EIF4ENIF1: variants seen among roughly 807,000 people sequenced by gnomAD.
The protein encoded by EIF4ENIF1 is eukaryotic translation initiation factor 4E transporter.
Under a neutral mutation model 110.5 loss-of-function variants are expected in EIF4ENIF1, and 23 were observed. The ratio of observed to expected loss-of-function variants is 0.21; its 90% CI spans 0.15 to 0.29. The LOEUF is 0.29. EIF4ENIF1 is among the 10% of genes least tolerant of loss of function. EIF4ENIF1 has a pLI of 1.00. For missense variants in EIF4ENIF1, 1,031 were observed against 1,221.1 expected (o/e 0.84, Z 2.32); for synonymous variants, 440 against 437.0 (o/e 1.01, Z -0.09).
chr22:31,444,655 T>G lies in EIF4ENIF1; in HGVS notation c.2024A>C (p.His675Pro). 1 of 1,614,152 alleles carries G rather than the reference T, an allele frequency of 6.2e-7. No homozygotes were observed. The highest frequency in any genetic ancestry group is 2.2e-5 in the East Asian group (1 of 44,878). ...QRVTKSPAPV[H>P]RGNSSSPAPA... Reference sequence around the variant, plus strand: ...GGCAGGGGAAGAGGAATTCCCTCGATGCACGGGTGCTGGTGACTTGGTCAC... The same window carrying G: ...GGCAGGGGAAGAGGAATTCCCTCGAGGCACGGGTGCTGGTGACTTGGTCAC... The change falls in exon 15 of 19, where the codon CAT becomes CCT. Residue 675 changes from histidine (H) to proline (P), a missense_variant. Transcript: ENST00000330125.
chr22:31,477,375 C>CA (rs869068858), intron 2 of EIF4ENIF1, among the ~76,000 whole-genome samples: 7 of 68,356 alleles, frequency 1.0e-4, no homozygotes, highest in Admixed American at 1.7e-4. Context: ...AAAAAAAAAA[C>CA]AAAAAAAACA....
At chr22:31,472,370 G>A (rs1423680081) in intron 2 of EIF4ENIF1, among the ~76,000 whole-genome samples, 1 of 151,606 alleles carries the variant, frequency 6.6e-6, no homozygotes, top group Admixed American at 6.6e-5. Flanking sequence ...CTGGGTTCAA[G>A]CAATTCTCTT....
Position 31,441,842 on chromosome 22 carries a change from G to C in EIF4ENIF1, c.2483C>G (p.Pro828Arg). The C allele has an allele frequency of 4.3e-6, 7 of 1,614,150 alleles. No individual in the cohort carries two copies. Among genetic ancestry groups the C allele is most frequent in the Non-Finnish European group, 5.9e-6 (7 of 1,180,020 alleles). Reference protein sequence around the residue: ...PMVRPAHQLHPGLVQRMLAQG... With the variant: ...PMVRPAHQLHRGLVQRMLAQG... The stretch of plus-strand genomic sequence containing the variant: ...GGCCAGCATCCTCTGTACCAACCCT[G>C]GGTGAAGCTGGTGAGCAGGCCTAAC... The change falls in exon 17 of 19, where the codon CCA (proline) becomes CGA (arginine). Residue 828 changes from proline (P) to arginine (R), a missense_variant. Coordinates refer to ENST00000330125, the MANE Select transcript of EIF4ENIF1 (RefSeq NM_019843.4).
intron 6 of EIF4ENIF1, among the ~76,000 whole-genome samples, chr22:31,461,963 A>T (rs538486259): frequency 6.6e-6 from 1 of 152,328 alleles, no homozygotes; most frequent in East Asian, 1.9e-4. Context: ...GCACAAGGTC[A>T]TTAGGAGATG....
At chr22:31,488,404 C>T (rs577891762) in intron 2 of EIF4ENIF1, among the ~76,000 whole-genome samples, 45 of 152,288 alleles carry the variant, frequency 3.0e-4, no homozygotes, top group South Asian at 1.2e-3. Flanking sequence ...CCTACATTCC[C>T]TTCACCTAAA....
chr22:31,463,909 C>T lies in EIF4ENIF1; in HGVS notation c.357G>A (p.Arg119=), dbSNP rs767649081. ...TCACGTGGCAGCCCCCTCCAAAGCT[C>T]CGTCTCTGAGGGCTGAGAACAACAT... ...DLDVVLSPQR[R]SFGGGCHVTA... Residue 119 remains arginine, a synonymous_variant, in exon 5 of 19, where the codon CGG becomes CGA. Coordinates refer to ENST00000330125, the MANE Select transcript of EIF4ENIF1 (RefSeq NM_019843.4). The T allele has an allele frequency of 9.9e-6, 16 of 1,614,182 alleles. No individual in the cohort carries two copies. The highest frequency in any genetic ancestry group is 3.3e-5 in the South Asian group (3 of 91,084).
intron 7 of EIF4ENIF1, among the ~76,000 whole-genome samples, chr22:31,457,252 G>A (rs571211100): frequency 6.6e-6 from 1 of 152,198 alleles, no homozygotes; most frequent in Admixed American, 6.5e-5. Context: ...ATTTAATAAG[G>A]ACAATTAAAT....
intron 6 of EIF4ENIF1, among the ~76,000 whole-genome samples, chr22:31,460,270 G>A (rs1013581646): frequency 6.6e-6 from 1 of 152,128 alleles, no homozygotes; most frequent in African/African-American, 2.4e-5. Flanking sequence ...AATGCCATCA[G>A]CTTATTTCTG....
chr22:31,462,840 C>G (rs1395794623), intron 6 of EIF4ENIF1, 92 bp downstream of exon 6: 1 of 1,378,136 alleles, frequency 7.3e-7, no homozygotes, highest in South Asian at 1.3e-5. Context: ...ACCTCGGCCT[C>G]CCAAAGTGTT....
At chr22:31,471,106 A>G (rs1028068447) in intron 3 of EIF4ENIF1, among the ~76,000 whole-genome samples, 1 of 151,940 alleles carries the variant, frequency 6.6e-6, no homozygotes, top group African/African-American at 2.4e-5. Flanking sequence ...ATTTTTAGCT[A>G]TAGTCTTCCC....
In EIF4ENIF1 at chr22:31,473,201, C is replaced by T. The variant is rs568604447; in HGVS notation, c.97-1284G>A. 1.6e-4 allele frequency among the ~76,000 whole-genome samples: 25 copies of T among 152,114 alleles called. 1 individual carries two copies. The South Asian group carries it at 5.0e-3, about 30-fold the overall frequency. On this transcript the variant is annotated intron_variant, in intron 2 of 18. Coordinates refer to ENST00000330125, the MANE Select transcript of EIF4ENIF1 (RefSeq NM_019843.4). ...TCCAGCTCCATGAGAGAATTTAGCC[C>T]TACAGAAAATGACCTGAGTGAACTA...
rs1189518061 is a variant in EIF4ENIF1, at chr22:31,454,290, G to A, written c.1366C>T (p.Pro456Ser). 2.5e-6 allele frequency: 4 copies of A among 1,614,110 alleles called. No individual in the cohort carries two copies. Among genetic ancestry groups the A allele is most frequent in the Middle Eastern group, 1.6e-4 (1 of 6,062 alleles). Residue 456 changes from proline (P) to serine (S), a missense_variant, in exon 10 of 19, where the codon CCC (proline) becomes TCC (serine). By Grantham distance (74) the Pro-to-Ser change is moderately conservative. This residue lies in a region of EIF4ENIF1 where 704 missense variants were observed against 879.7 expected (regional missense o/e 0.80). Transcript: ENST00000330125. ...KVDQQVKNST[P>S]FMAEHLEETL... ...TCTTCTAGGTGTTCTGCCATGAAGGGAGTTGAATTCTTCACTTGCTGGTCA... is the reference window on the plus strand; with the variant it reads ...TCTTCTAGGTGTTCTGCCATGAAGGAAGTTGAATTCTTCACTTGCTGGTCA...
upstream of EIF4ENIF1, among the ~76,000 whole-genome samples, chr22:31,493,188 G>T (rs780196742): frequency 1.3e-5 from 2 of 148,970 alleles, no homozygotes; most frequent in African/African-American, 5.0e-5. Flanking sequence ...CCGCCACCAC[G>T]CCCGGCTAAA....
intron 7 of EIF4ENIF1, among the ~76,000 whole-genome samples, chr22:31,456,423 C>T (rs2050824750): frequency 6.6e-6 from 1 of 151,830 alleles, no homozygotes; most frequent in Non-Finnish European, 1.5e-5. Flanking sequence ...CGGGGTTTTA[C>T]CGTGTTAGCC....
intron 14 of EIF4ENIF1, among the ~76,000 whole-genome samples, chr22:31,445,976 C>G (rs1601563566): frequency 7.0e-6 from 1 of 141,884 alleles, no homozygotes; most frequent in Non-Finnish European, 1.5e-5. Flanking sequence ...ATCTACCTCA[C>G]AGGGTTGATA....
intron 2 of EIF4ENIF1, among the ~76,000 whole-genome samples, chr22:31,477,390 A>AAAAAAAG (rs1381135932): frequency 4.5e-5 from 6 of 133,652 alleles, no homozygotes; most frequent in Non-Finnish European, 6.4e-5. Flanking sequence ...AAAACAAAAA[A>AAAAAAAG]AGAGAATTTG....
intron 2 of EIF4ENIF1, among the ~76,000 whole-genome samples, chr22:31,472,529 A>C (rs1047397621): frequency 6.6e-6 from 1 of 152,220 alleles, no homozygotes; most frequent in African/African-American, 2.4e-5. Context: ...TCGGCCTCCC[A>C]AAGTGCTGGG....
chr22:31,463,817 A>G lies in EIF4ENIF1; in HGVS notation c.449T>C (p.Leu150Pro). 1 of 1,614,034 alleles carries G rather than the reference A, an allele frequency of 6.2e-7. No homozygotes were observed. The highest frequency in any genetic ancestry group is 8.5e-7 in the Non-Finnish European group (1 of 1,180,014). The change falls in exon 5 of 19, where the codon CTT becomes CCT. Residue 150 changes from leucine (L) to proline (P), a missense_variant. Physicochemically the swap from Leu to Pro is moderately conservative, Grantham distance 98. Around this residue, in one of 3 missense-constraint regions of EIF4ENIF1, gnomAD observed 704 missense variants for 879.7 expected, o/e 0.80. Coordinates refer to ENST00000330125, the MANE Select transcript of EIF4ENIF1 (RefSeq NM_019843.4). Reference protein sequence around the residue: ...LEKDSDGLRLLGGRRIGSGRI... With the variant: ...LEKDSDGLRLPGGRRIGSGRI... The stretch of plus-strand genomic sequence containing the variant: ...CCCACTGCCAATCCTACGTCCACCA[A>G]GCAGACGAAGCCCATCACTATCTTT...
chr22:31,442,146 T>C, intron 16 of EIF4ENIF1, 28 bp from the exon 17 acceptor site: 1 of 1,557,218 alleles, frequency 6.4e-7, no homozygotes, highest in Non-Finnish European at 8.8e-7. Context: ...AAAAATATTT[T>C]GGCAAACCTC....
Sources: gnomAD v4.1 joint callset for allele counts (sites outside exome capture counted in the v4.1 genomes callset) on GRCh38, gnomAD v4.1.1 for gene constraint, gnomAD v4.1.1 regional missense constraint, MANE v1.5 for transcripts, NCBI Gene and HGNC (gene_info 2026-07-23, HGNC 2026-07-21) for gene names.